FAT1: variants seen among roughly 807,000 people sequenced by gnomAD.
The protein encoded by FAT1 is FAT atypical cadherin 1, also known as protocadherin Fat 1.
In FAT1, 171 loss-of-function variants were observed where a neutral mutation model predicts 329.8. That is an observed-to-expected ratio of 0.52 (90% confidence interval 0.46 to 0.59). The LOEUF is 0.59. FAT1 is among the 20% of genes least tolerant of loss of function. The pLI, the probability that FAT1 is intolerant of heterozygous loss-of-function variation, is 0.00. For missense variants in FAT1, 5,672 were observed against 5,774.4 expected (o/e 0.98, Z 0.57); for synonymous variants, 2,233 against 2,228.6 (o/e 1.00, Z -0.06).
chr4:186,643,796 CCA>C (rs2126580160), intron 3 of FAT1, among the ~76,000 whole-genome samples: 1 of 142,510 alleles, frequency 7.0e-6, no homozygotes, highest in East Asian at 2.2e-4. Flanking sequence ...CATCCCCCCC[CCA>C]CCCCCACCCA....
Position 186,708,096 on chromosome 4 carries a change from T to G in FAT1, c.1732A>C (p.Ile578Leu), listed in dbSNP as rs1464188839. Residue 578 changes from isoleucine (I) to leucine (L), a missense_variant, in exon 2 of 27, where the codon ATT (isoleucine) becomes CTT (leucine). Physicochemically the swap from Ile to Leu is conservative, Grantham distance 5. Coordinates refer to ENST00000441802, the MANE Select transcript of FAT1 (RefSeq NM_005245.4). ...TCTCCCACGCCTAGATCTCTGGGAA[T>G]TGTCCCTTCACAATTTATTTTCTCA... ...LFEKINCEGT[I>L]PRDLGVGEQI... 1 of 1,614,006 alleles carries G rather than the reference T, an allele frequency of 6.2e-7. No individual in the cohort carries two copies. Among genetic ancestry groups the G allele is most frequent in the Non-Finnish European group, 8.5e-7 (1 of 1,179,890 alleles).
In FAT1 at chr4:186,603,504, C is replaced by T. The variant is rs73030811; in HGVS notation, c.11022G>A (p.Arg3674=). 16 of 1,613,850 alleles carry T rather than the reference C, an allele frequency of 9.9e-6. No homozygotes were observed. The highest frequency in any genetic ancestry group is 1.2e-5 in the Non-Finnish European group (14 of 1,179,900). ...AACTAACAATCTGTATGTCGTTCCT[C>T]CTCACACCCAGGATGTTCCGTAAAG... ...QRALRNILGV[R]RNDIQIVSLQ... Residue 3674 remains arginine, a synonymous_variant, in exon 19 of 27, where the codon AGG becomes AGA. Coordinates refer to ENST00000441802, the MANE Select transcript of FAT1 (RefSeq NM_005245.4).
rs1213341585 is a variant in FAT1 at position 186,603,364 on chromosome 4, T to C, written c.11162A>G (p.Asp3721Gly). 6.2e-7 allele frequency: 1 copy of C among 1,613,912 alleles called. No individual in the cohort carries two copies. Among genetic ancestry groups the C allele is most frequent in the East Asian group, 2.2e-5 (1 of 44,888 alleles). The change falls in exon 19 of 27, where the codon GAC becomes GGC. Residue 3721 changes from aspartate (D) to glycine (G), a missense_variant. Around this residue, in one of 2 missense-constraint regions of FAT1, gnomAD observed 1,706 missense variants for 1,859.1 expected, o/e 0.92. Transcript: ENST00000441802. ...CCTAACTCCAATGATTTCCTCAATG[T>C]CAGTCACGGAAGAGTTAATCTTGTG... ...LLHKINSSVT[D>G]IEEIIGVRIL...
intron 1 of FAT1, among the ~76,000 whole-genome samples, chr4:186,719,288 G>A (rs182881986): frequency 8.5e-5 from 13 of 152,222 alleles, no homozygotes; most frequent in South Asian, 8.3e-4. Flanking sequence ...TAAGTTATAC[G>A]ATTGGCCTTC....
chr4:186,628,243 G>A lies in FAT1; in HGVS notation c.4721C>T (p.Ser1574Leu), dbSNP rs769656312. The A allele has an allele frequency of 3.7e-6, 6 of 1,613,756 alleles. No individual in the cohort carries two copies. The African/African-American group carries it at 4.0e-5, about 11-fold the overall frequency. ...ASSYKGRVYESAAVGSVVLQV... is the reference protein window; with the variant it reads ...ASSYKGRVYELAAVGSVVLQV... ...CAACACAACTGAGCCAACGGCTGCC[G>A]ATTCATAAACCCGCCCTTTGTAGGA... Residue 1574 changes from serine (S) to leucine (L), a missense_variant, in exon 9 of 27, where the codon TCG (serine) becomes TTG (leucine). This residue lies in a region of FAT1 where 3,966 missense variants were observed against 3,915.2 expected (regional missense o/e 1.01). Transcript: ENST00000441802.
chr4:186,677,488 A>AG (rs1743011968), intron 2 of FAT1, among the ~76,000 whole-genome samples: 1 of 142,772 alleles, frequency 7.0e-6, no homozygotes, highest in Non-Finnish European at 1.5e-5. Flanking sequence ...TTCTAAATTC[A>AG]GGGTTTTTTT....
chr4:186,692,592 T>C (rs190384345), intron 2 of FAT1, among the ~76,000 whole-genome samples: 3 of 152,262 alleles, frequency 2.0e-5, no homozygotes, highest in Non-Finnish European at 4.4e-5. Context: ...GAATCTTAGG[T>C]TATTTTTAAA....
At position 186,609,570 on chromosome 4, in the gene FAT1, C is replaced by T. The variant is rs1027649229; in HGVS notation, c.10068+231G>A. Among the ~76,000 whole-genome samples, 3 of 152,088 alleles carry T rather than the reference C, an allele frequency of 2.0e-5. No individual in the cohort carries two copies. The South Asian group carries it at 6.2e-4, about 32-fold the overall frequency. On this transcript the variant is annotated intron_variant, in intron 15 of 26. Coordinates refer to ENST00000441802, the MANE Select transcript of FAT1 (RefSeq NM_005245.4). The stretch of plus-strand genomic sequence containing the variant: ...TAGCTGGGACTACAGGCGCCCGCCA[C>T]CACGCCTGGCTAATTTTTTTTTGTA...
At chr4:186,597,320 C>T (rs1395258409) in intron 24 of FAT1, 149 bp from the exon 25 acceptor site, 19 of 820,982 alleles carry the variant, frequency 2.3e-5, no homozygotes, top group East Asian at 1.4e-4. Flanking sequence ...AATGTAACGT[C>T]GACAACCACG....
Position 186,597,762 on chromosome 4 carries a change from T to G in FAT1, c.12288A>C (p.Glu4096Asp), listed in dbSNP as rs202166446. 1.1e-3 allele frequency: 1,824 copies of G among 1,613,878 alleles called. 3 individuals are homozygous for G. Among genetic ancestry groups the G allele is most frequent in the Non-Finnish European group, 1.5e-3 (1,722 of 1,179,850 alleles). Residue 4096 changes from glutamate to aspartate, a missense_variant, in exon 24 of 27, where the codon GAA becomes GAC. By Grantham distance (45) the Glu-to-Asp change is conservative. This residue lies in a region of FAT1 where 1,706 missense variants were observed against 1,859.1 expected (regional missense o/e 0.92). Transcript: ENST00000441802. The part of the protein sequence containing the change: ...RCQLSPYCKD[E>D]PCKNGGTCFD... ...AGCATGTTCCGCCATTCTTACAGGG[T>G]TCATCTTTGCAGTATGGACTAAGCT... is the stretch of plus-strand genomic sequence containing the variant.
chr4:186,632,743 T>C (rs1466101278), intron 7 of FAT1, among the ~76,000 whole-genome samples: 1 of 152,262 alleles, frequency 6.6e-6, no homozygotes, highest in Non-Finnish European at 1.5e-5. Context: ...TATCTTTTAA[T>C]GCAGCTAAAT....
In FAT1 at chr4:186,620,046, A is replaced by G. The variant is rs781503430; in HGVS notation, c.6540T>C (p.Pro2180=). 2.5e-6 allele frequency: 4 copies of G among 1,613,924 alleles called. No homozygotes were observed. In the African/African-American group the frequency reaches 5.3e-5, roughly 22 times the overall value. ...VPITVMNKAM[P]VFEKPFYSAE... is the part of the protein sequence containing the mutation. Reference sequence around the variant, plus strand: ...CACTGTAGAAAGGTTTTTCAAACACAGGCATGGCTTTATTCATGACAGTGA... The same window carrying G: ...CACTGTAGAAAGGTTTTTCAAACACGGGCATGGCTTTATTCATGACAGTGA... Residue 2180 remains proline (P), a synonymous_variant, in exon 10 of 27, where the codon CCT becomes CCC. Transcript: ENST00000441802.
rs60074549 is a variant in FAT1, at chr4:186,594,676, GTATA to G, written c.13138+1009_13138+1012del. Among the ~76,000 whole-genome samples, 532 of 128,338 alleles carry G rather than the reference GTATA, an allele frequency of 4.1e-3. 4 individuals are homozygous for G. Among genetic ancestry groups the G allele is most frequent in the African/African-American group, 0.012 (426 of 34,382 alleles). The allele number at this position is 128,338 out of a possible 152,430, so 84.2% of individuals were successfully genotyped here. A position where few individuals can be genotyped will look rare whatever the true frequency, so the allele number is the denominator to read the frequency against. On this transcript the variant is annotated intron_variant, in intron 26 of 26. Coordinates refer to ENST00000441802, the MANE Select transcript of FAT1 (RefSeq NM_005245.4). ...TGTGTATATATATATATACTTGAAA[GTATA>G]TATATATATATATATATATACTTGA...
intron 6 of FAT1, among the ~76,000 whole-genome samples, chr4:186,634,968 A>G (rs540728131): frequency 2.8e-4 from 42 of 152,386 alleles, no homozygotes; most frequent in African/African-American, 9.9e-4. Flanking sequence ...GAAAGCAAAC[A>G]AACGGTTTTG....
chr4:186,648,619 G>T (rs1741488278), intron 3 of FAT1, among the ~76,000 whole-genome samples: 1 of 152,122 alleles, frequency 6.6e-6, no homozygotes, highest in East Asian at 1.9e-4. Context: ...GAGGAAATGA[G>T]GTCTAGGCAT....
chr4:186,626,223 AGAATGAAT>A lies in FAT1; in HGVS notation c.4810+1923_4810+1930del, dbSNP rs1286393397. Among the ~76,000 whole-genome samples, 67 of 99,320 alleles carry A rather than the reference AGAATGAAT, an allele frequency of 6.7e-4. 1 individual carries two copies. The highest frequency in any genetic ancestry group is 2.8e-3 in the African/African-American group (67 of 23,770). The allele number at this position is 99,320 out of a possible 152,430, so 65.2% of individuals were successfully genotyped here. On this transcript the variant is annotated intron_variant, in intron 9 of 26. Coordinates refer to ENST00000441802, the MANE Select transcript of FAT1 (RefSeq NM_005245.4). Reference sequence around the variant, plus strand: ...CATAAACTGAGCTTCATCAGCCTACAGAATGAATGAATGAATGAATGAGGGACCAACAT... The same window carrying A: ...CATAAACTGAGCTTCATCAGCCTACAGAATGAATGAATGAGGGACCAACAT...
intron 1 of FAT1, among the ~76,000 whole-genome samples, chr4:186,719,224 G>C (rs75320418): frequency 0.041 from 6,243 of 152,166 alleles, 182 homozygotes; most frequent in Non-Finnish European, 0.068. Context: ...TGCAATTTCA[G>C]CTCTAACCTC....
At chr4:186,604,984 T>C (rs548740962) in intron 17 of FAT1, among the ~76,000 whole-genome samples, 88 of 151,874 alleles carry the variant, frequency 5.8e-4, no homozygotes, top group African/African-American at 7.5e-4. Context: ...TTTGGGAGGC[T>C]GAGGCGGGCG....
intron 26 of FAT1, chr4:186,590,823 T>TAAA (rs1323268107): frequency 2.7e-6 from 1 of 368,704 alleles, no homozygotes; most frequent in Non-Finnish European, 5.3e-6. Context: ...ACACACTTTA[T>TAAA]AGCACACTGC....
Sources: allele counts gnomAD v4.1 joint callset (sites outside exome capture counted in the v4.1 genomes callset), GRCh38; gene constraint gnomAD v4.1.1; regional missense constraint gnomAD v4.1.1; transcripts MANE v1.5; gene names NCBI Gene and HGNC (gene_info 2026-07-23, HGNC 2026-07-21).